GLS: variants seen among roughly 807,000 people sequenced by gnomAD.
GLS encodes glutaminase.
In GLS, 36 loss-of-function variants were observed where a neutral mutation model predicts 86.7. The ratio of observed to expected loss-of-function variants is 0.42; its 90% confidence interval spans 0.32 to 0.55. GLS has a LOEUF of 0.55. Ranked by LOEUF, GLS falls within the 20% of genes least tolerant of loss-of-function variation. The pLI, the probability that GLS is intolerant of heterozygous loss-of-function variation, is 0.17. For missense variants in GLS, 528 were observed against 833.4 expected (o/e 0.63, Z 4.51); for synonymous variants, 317 against 305.9 (o/e 1.04, Z -0.38).
At position 190,938,052 on chromosome 2, in the gene GLS, T is replaced by C. The variant is rs535024023; in HGVS notation, c.1650+6415T>C. Among the ~76,000 whole-genome samples the C allele has an allele frequency of 4.0e-5, 6 of 151,456 alleles. No homozygotes were observed. Among genetic ancestry groups the C allele is most frequent in the Admixed American group, 3.3e-4 (5 of 15,216 alleles). On this transcript the variant is annotated intron_variant, in intron 14 of 17. Transcript: ENST00000320717. This position sits in a 1 kb window ranked among gnomAD's most constrained non-coding sequence, Gnocchi z 4.1. ...AACTCTAAATCTCATTTACTAATTA[T>C]GGAATTTTTTTAAAGAAAAATTATA...
At chr2:190,886,764 A>G (rs1688393882) in intron 1 of GLS, among the ~76,000 whole-genome samples, 1 of 152,018 alleles carries the variant, frequency 6.6e-6, no homozygotes, top group South Asian at 2.1e-4. Flanking sequence ...AAAAATACAA[A>G]AATTAGCCAG....
At chr2:190,887,555 T>G (rs1342393109) in intron 1 of GLS, among the ~76,000 whole-genome samples, 2 of 152,160 alleles carry the variant, frequency 1.3e-5, no homozygotes, top group East Asian at 3.8e-4. Flanking sequence ...CTAAAAAAGA[T>G]TTTTAAAATT....
Position 190,880,978 on chromosome 2 carries a change from C to T in GLS, c.-107C>T. The T allele has an allele frequency of 7.7e-7, 1 of 1,300,316 alleles. No individual in the cohort carries two copies. The highest frequency in any genetic ancestry group is 1.1e-6 in the Non-Finnish European group (1 of 943,046). The allele number at this position is 1,300,316 out of a possible 1,614,324, so 80.5% of individuals were successfully genotyped here. Reference sequence around the variant, plus strand: ...CACACCCAAGTAGCTGCCCTTTCCTCTTCTGTCATCTCACCGCCCCACCAC... The same window carrying T: ...CACACCCAAGTAGCTGCCCTTTCCTTTTCTGTCATCTCACCGCCCCACCAC... On this transcript the variant is annotated 5_prime_UTR_variant, in exon 1 of 18. Coordinates refer to ENST00000320717, the MANE Select transcript of GLS (RefSeq NM_014905.5).
rs1689697513 is a variant in GLS at position 190,920,572 on chromosome 2, T to C, written c.1039-452T>C. Reference sequence around the variant, plus strand: ...ACATAATTCATTTTTCTAACTCTGATATTAGTTTAAGGATTTAATAAAATA... The same window carrying C: ...ACATAATTCATTTTTCTAACTCTGACATTAGTTTAAGGATTTAATAAAATA... On this transcript the variant is annotated intron_variant, in intron 7 of 17. Coordinates refer to ENST00000320717, the MANE Select transcript of GLS (RefSeq NM_014905.5). The surrounding 1 kb of genome is among the most constrained non-coding windows in gnomAD (Gnocchi z 4.2). Among the ~76,000 whole-genome samples, 1 of 151,918 alleles carries C rather than the reference T, an allele frequency of 6.6e-6. No homozygotes were observed. The highest frequency in any genetic ancestry group is 2.1e-4 in the South Asian group (1 of 4,832).
At position 190,935,152 on chromosome 2, in the gene GLS, G is replaced by A. The variant is rs753953282; in HGVS notation, c.1650+3515G>A. 6.5e-6 allele frequency: 6 copies of A among 922,492 alleles called. No individual in the cohort carries two copies. Among genetic ancestry groups the A allele is most frequent in the East Asian group, 2.3e-4 (2 of 8,520 alleles). The allele number at this position is 922,492 out of a possible 1,614,324, so 57.1% of individuals were successfully genotyped here. On this transcript the variant is annotated intron_variant, in intron 14 of 17. Coordinates refer to ENST00000320717, the MANE Select transcript of GLS (RefSeq NM_014905.5). This position sits in a 1 kb window ranked among gnomAD's most constrained non-coding sequence, Gnocchi z 4.2. ...GAAGTACTTTGTTTTTAGCATAAAT[G>A]TTGTGCATTTTATCTTAGTGTTTGG...
Position 190,953,630 on chromosome 2 carries a change from T to TG in GLS, c.1712+5dup. ...GAGATGTGTCTGCACTTCGAAGGTA[T>TG]GTTTACAGGATGGATTAGCATGCAC... On this transcript the variant is annotated splice_donor_region_variant and intron_variant, in intron 15 of 17. Coordinates refer to ENST00000320717, the MANE Select transcript of GLS (RefSeq NM_014905.5). The surrounding 1 kb of genome is among the most constrained non-coding windows in gnomAD (Gnocchi z 4.0). 1 of 1,583,606 alleles carries TG rather than the reference T, an allele frequency of 6.3e-7. No homozygotes were observed. Among genetic ancestry groups the TG allele is most frequent in the African/African-American group, 1.3e-5 (1 of 74,402 alleles).
In GLS at chr2:190,954,266, C is replaced by T. The variant is rs1690801527; in HGVS notation, c.1713-318C>T. Among the ~76,000 whole-genome samples the T allele has an allele frequency of 6.6e-6, 1 of 151,980 alleles. No individual in the cohort carries two copies. The highest frequency in any genetic ancestry group is 2.4e-5 in the African/African-American group (1 of 41,362). The stretch of plus-strand genomic sequence containing the variant: ...CTTTACTATAGGGATTAGTTTCTTG[C>T]CCTTATGAGACATAAACCTTGGTAC... On this transcript the variant is annotated intron_variant, in intron 15 of 17. Transcript: ENST00000320717. The surrounding 1 kb of genome is among the most constrained non-coding windows in gnomAD (Gnocchi z 4.0).
chr2:190,944,509 G>C (rs1261102105), intron 14 of GLS, among the ~76,000 whole-genome samples: 1 of 152,144 alleles, frequency 6.6e-6, no homozygotes, highest in Non-Finnish European at 1.5e-5. Context: ...GTTCTTTGGA[G>C]GAGTAGCTGT....
chr2:190,932,196 C>T (rs542402751), intron 14 of GLS, among the ~76,000 whole-genome samples: 9 of 151,962 alleles, frequency 5.9e-5, no homozygotes, highest in South Asian at 2.1e-4. Context: ...AATAATCTTA[C>T]GGTCCTATTT....
intron 3 of GLS, among the ~76,000 whole-genome samples, chr2:190,898,485 A>G (rs1688825268): frequency 6.6e-6 from 1 of 152,200 alleles, no homozygotes; most frequent in Non-Finnish European, 1.5e-5. Flanking sequence ...GGTGATCGGT[A>G]TGCAGTTAGA....
chr2:190,901,548 C>T (rs955616909), intron 4 of GLS, among the ~76,000 whole-genome samples: 8 of 151,708 alleles, frequency 5.3e-5, no homozygotes, highest in African/African-American at 1.9e-4. Flanking sequence ...TAAATACTTA[C>T]TACTTACTTT....
intron 11 of GLS, among the ~76,000 whole-genome samples, chr2:190,925,608 C>T (rs987089638): frequency 1.3e-5 from 2 of 152,144 alleles, no homozygotes; most frequent in Non-Finnish European, 2.9e-5. Flanking sequence ...TCTAGTTCAC[C>T]TTACATTTGC....
At chr2:190,937,042 T>C (rs1574610528) in intron 14 of GLS, among the ~76,000 whole-genome samples, 3 of 151,472 alleles carry the variant, frequency 2.0e-5, no homozygotes, top group East Asian at 3.9e-4. Flanking sequence ...GTAGCATAAA[T>C]GGAAATTTGT....
chr2:190,933,725 G>C (rs1690181906), intron 14 of GLS: 4 of 855,832 alleles, frequency 4.7e-6, no homozygotes, highest in African/African-American at 3.7e-5. Flanking sequence ...ATTTAAATAT[G>C]AATGGCAAAT....
In GLS at chr2:190,951,940, C is replaced by G. The variant is rs558592130; in HGVS notation, c.1651-1625C>G. 6.6e-6 allele frequency among the ~76,000 whole-genome samples: 1 copy of G among 152,216 alleles called. No homozygotes were observed. Among genetic ancestry groups the G allele is most frequent in the Non-Finnish European group, 1.5e-5 (1 of 68,032 alleles). On this transcript the variant is annotated intron_variant, in intron 14 of 17. Transcript: ENST00000320717. The surrounding 1 kb of genome is among the most constrained non-coding windows in gnomAD (Gnocchi z 4.2). ...AAATTATGGGCTGAGCATGTTGGCT[C>G]ATGCCTGTAATCCCAACAGTTTGGG...
Position 190,913,688 on chromosome 2 carries a change from AG to A in GLS, c.1038+3369del, listed in dbSNP as rs113223445. The A allele has an allele frequency of 2.3e-3, 2,226 of 972,344 alleles. 35 individuals are homozygous for A. The African/African-American group carries it at 0.031, about 14-fold the overall frequency. 60.2% of individuals were successfully genotyped at this position (972,344 alleles called of 1,614,324 possible). On this transcript the variant is annotated intron_variant, in intron 7 of 17. Transcript: ENST00000320717. This position sits in a 1 kb window ranked among gnomAD's most constrained non-coding sequence, Gnocchi z 6.1. ...AAGATCTGGTGATAACTTAAGGGTT[AG>A]GATAGGAAAATGAGGACAACATACT...
intron 14 of GLS, chr2:190,933,781 C>T (rs920227722): frequency 1.0e-5 from 7 of 684,778 alleles, no homozygotes; most frequent in Non-Finnish European, 1.3e-5. Flanking sequence ...TTTATAAATG[C>T]TAATATTTCT....
intron 7 of GLS, among the ~76,000 whole-genome samples, chr2:190,912,221 C>T (rs1350070924): frequency 2.0e-5 from 3 of 151,854 alleles, no homozygotes; most frequent in Non-Finnish European, 4.4e-5. Context: ...CAAATTTGAT[C>T]AGTGATTTTC....
chr2:190,881,550 C>A (rs757622923), intron 1 of GLS, 80 bp downstream of exon 1: 1 of 1,308,356 alleles, frequency 7.6e-7, no homozygotes, highest in Non-Finnish European at 1.0e-6. Context: ...TGCGGTGGGG[C>A]GGGATAGGAG....
Sources: gnomAD v4.1 joint callset for allele counts (sites outside exome capture counted in the v4.1 genomes callset) on GRCh38, gnomAD v4.1.1 for gene constraint, Gnocchi (gnomAD v3.1) non-coding constraint, MANE v1.5 for transcripts, NCBI Gene and HGNC (gene_info 2026-07-23, HGNC 2026-07-21) for gene names.